COL26A1: variants seen among roughly 807,000 people sequenced by gnomAD.
The protein encoded by COL26A1 is collagen alpha-1(XXVI) chain.
COL26A1 carries 41 observed loss-of-function variants against 59.3 expected under a neutral mutation model. The ratio of observed to expected loss-of-function variants is 0.69; its 90% CI spans 0.54 to 0.90. The LOEUF is 0.90. Ranked by LOEUF, COL26A1 falls within the 40% of genes least tolerant of loss-of-function variation. The pLI is 0.00. For missense variants in COL26A1, 612 were observed against 602.3 expected, an observed-to-expected ratio of 1.02 and a Z score of -0.17; for synonymous variants, 266 against 256.0, an observed-to-expected ratio of 1.04 and a Z score of -0.37.
At chr7:101,386,257 GTTTTTTTTTTTTT>G (rs71106515) in intron 1 of COL26A1, among the ~76,000 whole-genome samples, 1 of 117,674 alleles carries the variant, frequency 8.5e-6, no homozygotes, top group African/African-American at 3.3e-5. Context: ...GTCCTAGCTT[GTTTTTTTTTTTTT>G]TTTTTTTTTT....
intron 1 of COL26A1, among the ~76,000 whole-genome samples, chr7:101,374,114 G>T (rs764486184): frequency 6.6e-6 from 1 of 152,196 alleles, no homozygotes; most frequent in African/African-American, 2.4e-5. Flanking sequence ...TACACATGCC[G>T]TGCTGTTCTG....
intron 3 of COL26A1, among the ~76,000 whole-genome samples, chr7:101,511,155 G>C (rs1480265928): frequency 6.6e-6 from 1 of 151,990 alleles, no homozygotes; most frequent in African/African-American, 2.4e-5. Flanking sequence ...ACCCGCCTCG[G>C]CCTCCCAAAG....
intron 3 of COL26A1, among the ~76,000 whole-genome samples, chr7:101,504,839 A>T (rs572912331): frequency 6.6e-6 from 1 of 150,460 alleles, no homozygotes; most frequent in East Asian, 2.0e-4. Flanking sequence ...GTGTGTGTGT[A>T]TGCCTGTGTG....
chr7:101,369,307 T>C (rs13242788), intron 1 of COL26A1, among the ~76,000 whole-genome samples: 87,522 of 151,016 alleles, frequency 0.58, 26,917 homozygotes, highest in African/African-American at 0.8. Context: ...CTTAGGAGGC[T>C]GAGGCAGGAG....
In COL26A1 at chr7:101,547,072, C is replaced by T. The variant is rs1795750914; in HGVS notation, c.857-84C>T. 4.1e-6 allele frequency: 4 copies of T among 965,440 alleles called. No individual in the cohort carries two copies. The Admixed American group carries it at 9.5e-5, about 23-fold the overall frequency. 59.8% of individuals were successfully genotyped at this position (965,440 alleles called of 1,614,324 possible). A position where few individuals can be genotyped will look rare whatever the true frequency, so the allele number is the denominator to read the frequency against. Reference sequence around the variant, plus strand: ...CCCCCCTGGGCTTCGTGTGGCCTGGCTCAGGGCTCAGTGCCCCGGACCAGC... The same window carrying T: ...CCCCCCTGGGCTTCGTGTGGCCTGGTTCAGGGCTCAGTGCCCCGGACCAGC... On this transcript the variant is annotated intron_variant, in intron 7 of 12. Transcript: ENST00000313669.
intron 1 of COL26A1, among the ~76,000 whole-genome samples, chr7:101,398,285 A>G (rs956932078): frequency 4.6e-5 from 7 of 152,198 alleles, no homozygotes; most frequent in East Asian, 1.9e-4. Context: ...TCATTTTCCA[A>G]TGAGGAGACC....
At chr7:101,443,967 G>A (rs149414929) in intron 2 of COL26A1, among the ~76,000 whole-genome samples, 19 of 150,980 alleles carry the variant, frequency 1.3e-4, no homozygotes, top group Non-Finnish European at 2.4e-4. Flanking sequence ...AAACTCCTGG[G>A]CTCCAGTGAC....
intron 3 of COL26A1, among the ~76,000 whole-genome samples, chr7:101,471,871 C>A (rs568098632): frequency 6.6e-6 from 1 of 150,624 alleles, no homozygotes; most frequent in Non-Finnish European, 1.5e-5. Context: ...TGAGCCGCTG[C>A]GCCCGGCCAG....
intron 1 of COL26A1, among the ~76,000 whole-genome samples, chr7:101,387,778 A>ATATATATATATTTTTTT (rs773025730): frequency 1.2e-5 from 1 of 84,836 alleles, no homozygotes; most frequent in African/African-American, 5.0e-5. Context: ...ATATATATAT[A>ATATATATATATTTTTTT]TTTTTTTTTA....
At chr7:101,439,382 C>T (rs1259833695) in intron 2 of COL26A1, among the ~76,000 whole-genome samples, 3 of 151,756 alleles carry the variant, frequency 2.0e-5, no homozygotes, top group Admixed American at 6.6e-5. Context: ...GGTGAAACCC[C>T]GTCTCTACTA....
chr7:101,394,895 A>C (rs1414240057), intron 1 of COL26A1, among the ~76,000 whole-genome samples: 1 of 114,142 alleles, frequency 8.8e-6, no homozygotes, highest in African/African-American at 3.5e-5. Context: ...TTTTTTTGAG[A>C]CAGAGTCTCG....
At chr7:101,378,450 A>G (rs10259258) in intron 1 of COL26A1, among the ~76,000 whole-genome samples, 11,263 of 152,076 alleles carry the variant, frequency 0.074, 986 homozygotes, top group African/African-American at 0.21. Flanking sequence ...TGAACCGGGG[A>G]GGCAGAGGTT....
chr7:101,419,856 A>G (rs887247572), intron 1 of COL26A1, 121 bp from the exon 2 acceptor site: 2 of 1,016,220 alleles, frequency 2.0e-6, no homozygotes, highest in African/African-American at 3.2e-5. Context: ...CCCCCCATCC[A>G]AGAGAGCGAG....
chr7:101,498,613 A>AC (rs1033209087), intron 3 of COL26A1, among the ~76,000 whole-genome samples: 8 of 152,266 alleles, frequency 5.3e-5, no homozygotes, highest in African/African-American at 1.7e-4. Context: ...TGCCGGCGAC[A>AC]CCAAGGCTGT....
chr7:101,502,358 A>AAAC (rs1352435633), intron 3 of COL26A1, among the ~76,000 whole-genome samples: 2 of 151,156 alleles, frequency 1.3e-5, no homozygotes, highest in Non-Finnish European at 2.9e-5. Context: ...CAACAACAAC[A>AAAC]AACAACAACA....
chr7:101,424,593 G>A (rs28417866), intron 2 of COL26A1, among the ~76,000 whole-genome samples: 1 of 152,044 alleles, frequency 6.6e-6, no homozygotes, highest in Non-Finnish European at 1.5e-5. Flanking sequence ...GCAAGTCTCC[G>A]TCTCAAAAAA....
intron 1 of COL26A1, among the ~76,000 whole-genome samples, chr7:101,387,764 A>ATTTTTT (rs1449600744): frequency 4.2e-4 from 16 of 37,806 alleles, no homozygotes; most frequent in African/African-American, 1.1e-3. Context: ...TTATATATAT[A>ATTTTTT]TATATATATA....
At chr7:101,520,745 CCAG>C (rs541003390) in intron 3 of COL26A1, among the ~76,000 whole-genome samples, 376 of 152,102 alleles carry the variant, frequency 2.5e-3, no homozygotes, top group Non-Finnish European at 3.3e-3. Context: ...TGCTCCTTCC[CCAG>C]CAGCAGGGCC....
intron 3 of COL26A1, among the ~76,000 whole-genome samples, chr7:101,499,578 G>A (rs1224886904): frequency 6.6e-6 from 1 of 152,122 alleles, no homozygotes; most frequent in Non-Finnish European, 1.5e-5. Context: ...CAGCTATTCT[G>A]GAGGCTGAGG....
Sources: allele counts gnomAD v4.1 joint callset (sites outside exome capture counted in the v4.1 genomes callset), GRCh38; gene constraint gnomAD v4.1.1; transcripts MANE v1.5; gene names NCBI Gene and HGNC (gene_info 2026-07-23, HGNC 2026-07-21).